LEPR: variants seen among roughly 807,000 people sequenced by gnomAD.
The protein encoded by LEPR is OB receptor.
LEPR carries 56 observed loss-of-function variants against 114.7 expected under a neutral mutation model. The ratio of observed to expected loss-of-function variants is 0.49; its 90% CI spans 0.39 to 0.61. The LOEUF (loss-of-function observed/expected upper bound fraction) is 0.61, where lower values mean the gene tolerates loss of function less well. Among genes scored for constraint, LEPR ranks in the 20% least tolerant of loss-of-function variants. The pLI, the probability that LEPR is intolerant of heterozygous loss-of-function variation, is 0.00. For missense variants in LEPR, 1,202 were observed against 1,352.9 expected (o/e 0.89, Z 1.75); for synonymous variants, 443 against 461.4 (o/e 0.96, Z 0.51).
chr1:65,436,451 A>G (rs533907701), intron 2 of LEPR, among the ~76,000 whole-genome samples: 2 of 152,388 alleles, frequency 1.3e-5, no homozygotes, highest in East Asian at 3.9e-4. Context: ...TTAGGCAGCC[A>G]GATTGTAAAG....
intron 2 of LEPR, among the ~76,000 whole-genome samples, chr1:65,539,630 G>A (rs1008712253): frequency 6.6e-6 from 1 of 152,026 alleles, no homozygotes; most frequent in Non-Finnish European, 1.5e-5. Flanking sequence ...ATTGTCTTTG[G>A]CCATTTGACA....
chr1:65,549,983 T>G (rs1327358958), intron 2 of LEPR, among the ~76,000 whole-genome samples: 4 of 152,168 alleles, frequency 2.6e-5, no homozygotes, highest in East Asian at 1.9e-4. Context: ...ATGTACAGAT[T>G]GGTTTTTGGT....
intron 2 of LEPR, among the ~76,000 whole-genome samples, chr1:65,448,735 G>C (rs547648471): frequency 2.0e-5 from 3 of 152,218 alleles, no homozygotes; most frequent in African/African-American, 7.2e-5. Context: ...ATTGATTCTT[G>C]TGTGAGTTTT....
chr1:65,573,132 T>G (rs1654324273), intron 5 of LEPR, among the ~76,000 whole-genome samples: 1 of 152,188 alleles, frequency 6.6e-6, no homozygotes, highest in Non-Finnish European at 1.5e-5. Flanking sequence ...AATTATACCT[T>G]TTACAGACAA....
intron 19 of LEPR, chr1:65,634,508 A>G (rs1658646069): frequency 1.1e-6 from 1 of 942,556 alleles, no homozygotes. Context: ...TTTATAACTC[A>G]CTGACAAAAC....
At chr1:65,435,863 TGCAAAAATCCC>T in intron 2 of LEPR, 1 of 983,984 alleles carries the variant, frequency 1.0e-6, no homozygotes, top group South Asian at 4.7e-5. Flanking sequence ...AGTACCTTAT[TGCAAAAATCCC>T]ACTGAGTAAT....
intron 2 of LEPR, among the ~76,000 whole-genome samples, chr1:65,531,618 G>C (rs1443810958): frequency 3.3e-5 from 5 of 151,982 alleles, no homozygotes; most frequent in Non-Finnish European, 7.4e-5. Flanking sequence ...GTGTGAAATA[G>C]GGCCTAACAT....
chr1:65,537,907 A>G (rs193195370), intron 2 of LEPR, among the ~76,000 whole-genome samples: 3 of 152,294 alleles, frequency 2.0e-5, no homozygotes, highest in African/African-American at 2.4e-5. Context: ...TTCATTCAGT[A>G]TGGCTCCTGA....
chr1:65,606,702 A>G (rs1244551549), intron 11 of LEPR, among the ~76,000 whole-genome samples: 1 of 152,124 alleles, frequency 6.6e-6, no homozygotes. Context: ...AATTGCAAAC[A>G]CAGATTTAAC....
At chr1:65,504,462 A>G (rs1342468615) in intron 2 of LEPR, among the ~76,000 whole-genome samples, 1 of 152,226 alleles carries the variant, frequency 6.6e-6, no homozygotes, top group Admixed American at 6.5e-5. Flanking sequence ...TGTATGATGC[A>G]ATGGAAATGA....
chr1:65,571,658 A>T (rs1281115042), intron 4 of LEPR, among the ~76,000 whole-genome samples: 1 of 148,990 alleles, frequency 6.7e-6, no homozygotes, highest in Non-Finnish European at 1.5e-5. Context: ...TAATGTTAAA[A>T]AAAAAAAAAA....
intron 2 of LEPR, among the ~76,000 whole-genome samples, chr1:65,500,783 T>C (rs1210338305): frequency 6.6e-6 from 1 of 152,162 alleles, no homozygotes; most frequent in Admixed American, 6.6e-5. Flanking sequence ...AAGTTTCTAC[T>C]GCACGAGGTG....
At chr1:65,459,815 T>C (rs1156531762) in intron 2 of LEPR, among the ~76,000 whole-genome samples, 1 of 152,194 alleles carries the variant, frequency 6.6e-6, no homozygotes, top group Non-Finnish European at 1.5e-5. Context: ...TTTCCACCAT[T>C]TTAGCCATTC....
At chr1:65,599,482 A>G (rs770777431) in intron 8 of LEPR, among the ~76,000 whole-genome samples, 78 of 152,314 alleles carry the variant, frequency 5.1e-4, no homozygotes, top group Middle Eastern at 3.4e-3. Context: ...GATAACAGGT[A>G]CCATGCAAAT....
chr1:65,429,873 C>T, intron 2 of LEPR: 1 of 1,493,414 alleles, frequency 6.7e-7, no homozygotes, highest in Non-Finnish European at 9.1e-7. Context: ...GTTTACTGGC[C>T]CTTATTCGTC....
intron 2 of LEPR, among the ~76,000 whole-genome samples, chr1:65,541,093 G>A (rs1651162803): frequency 6.6e-6 from 1 of 152,102 alleles, no homozygotes; most frequent in Admixed American, 6.6e-5. Flanking sequence ...AGAGTGCTGG[G>A]ATTACAAGCA....
At chr1:65,532,594 A>G (rs1650479154) in intron 2 of LEPR, among the ~76,000 whole-genome samples, 1 of 152,200 alleles carries the variant, frequency 6.6e-6, no homozygotes, top group African/African-American at 2.4e-5. Context: ...ATGTCCATAC[A>G]CTGATGAATG....
chr1:65,629,396 T>A (rs1201277455), intron 19 of LEPR: 2 of 441,222 alleles, frequency 4.5e-6, no homozygotes, highest in Non-Finnish European at 9.0e-6. Context: ...ATAGAAAAAC[T>A]AATAAACTGA....
chr1:65,526,401 G>C, intron 2 of LEPR: 1 of 985,324 alleles, frequency 1.0e-6, no homozygotes, highest in Non-Finnish European at 1.2e-6. Context: ...GTAGTGGTGA[G>C]AAAAAGAGAC....
Sources: gnomAD v4.1 joint callset for allele counts (sites outside exome capture counted in the v4.1 genomes callset) on GRCh38, gnomAD v4.1.1 for gene constraint, MANE v1.5 for transcripts, NCBI Gene and HGNC (gene_info 2026-07-23, HGNC 2026-07-21) for gene names.